WDR36: variants seen among roughly 807,000 people sequenced by gnomAD.
The protein encoded by WDR36 is WD repeat-containing protein 36.
WDR36 carries 63 observed loss-of-function variants against 112.7 expected under a neutral mutation model. The ratio of observed to expected loss-of-function variants is 0.56; its 90% CI spans 0.46 to 0.69. The LOEUF is 0.69. Among genes scored for constraint, WDR36 ranks in the 30% least tolerant of loss-of-function variants. The probability of loss-of-function intolerance (pLI) is 0.00; values close to 1 mark genes in which losing one functional copy is unlikely to be tolerated. For synonymous variants in WDR36, 410 were observed against 362.2 expected (o/e 1.13, Z -1.50); for missense variants, 1,226 against 1,070.3 (o/e 1.15, Z -2.03).
At chr5:111,105,973 C>G (rs112620572) in intron 10 of WDR36, 84 bp from the exon 11 acceptor site, 4 of 1,073,564 alleles carry the variant, frequency 3.7e-6, no homozygotes, top group South Asian at 1.3e-5. Context: ...TTTATAGTTA[C>G]AAGACTGATA....
At chr5:111,106,872 TC>T (rs1753230366) in intron 11 of WDR36, among the ~76,000 whole-genome samples, 2 of 151,390 alleles carry the variant, frequency 1.3e-5, no homozygotes, top group Non-Finnish European at 3.0e-5. Context: ...TCCGTTTTGT[TC>T]ATTTTTTTCT....
intron 11 of WDR36, among the ~76,000 whole-genome samples, chr5:111,106,898 C>A (rs1371956333): frequency 6.6e-6 from 1 of 151,226 alleles, no homozygotes; most frequent in African/African-American, 2.4e-5. Context: ...CATGTTATCC[C>A]CCCCAGGTAA....
chr5:111,127,394 C>G lies in WDR36; in HGVS notation c.*511C>G, dbSNP rs574156242. The stretch of plus-strand genomic sequence containing the variant: ...ATTAAATTGAAAATGTCAGATAAAA[C>G]TGATACATGATGTAGTTATAAAAAT... On this transcript the variant is annotated 3_prime_UTR_variant, in exon 23 of 23. Coordinates refer to ENST00000513710, the MANE Select transcript of WDR36 (RefSeq NM_139281.3). 1 of 200,130 alleles carries G rather than the reference C, an allele frequency of 5.0e-6. No homozygotes were observed. Among genetic ancestry groups the G allele is most frequent in the Non-Finnish European group, 1.0e-5 (1 of 97,004 alleles). The allele number at this position is 200,130 out of a possible 1,614,324, so 12.4% of individuals were successfully genotyped here. A position where few individuals can be genotyped will look rare whatever the true frequency, so the allele number is the denominator to read the frequency against.
At chr5:111,098,622 C>T in intron 3 of WDR36, 100 bp from the exon 4 acceptor site, 1 of 835,638 alleles carries the variant, frequency 1.2e-6, no homozygotes, top group South Asian at 1.4e-5. Context: ...CATTTCTTAA[C>T]AGAAGCATCT....
chr5:111,105,232 G>T, intron 9 of WDR36, 63 bp from the exon 10 acceptor site: 3 of 1,503,000 alleles, frequency 2.0e-6, no homozygotes, highest in Non-Finnish European at 2.8e-6. Flanking sequence ...TATAAAATTT[G>T]TGATTCACAT....
intron 2 of WDR36, among the ~76,000 whole-genome samples, chr5:111,095,917 T>G (rs1752968134): frequency 6.6e-6 from 1 of 152,180 alleles, no homozygotes; most frequent in East Asian, 1.9e-4. Context: ...TGTTTTACCA[T>G]CAAATATGGT....
chr5:111,122,663 C>T lies in WDR36; in HGVS notation c.2149-1142C>T, dbSNP rs1012952996. 2.0e-4 allele frequency among the ~76,000 whole-genome samples: 31 copies of T among 152,254 alleles called. 1 individual carries two copies. The highest frequency in any genetic ancestry group is 7.2e-4 in the Admixed American group (11 of 15,290). ...TACACTACAGTTTGCGGTGCTTTGT[C>T]CTGTGTTCATGTGATCATTTTATTT... On this transcript the variant is annotated intron_variant, in intron 19 of 22. Transcript: ENST00000513710.
Position 111,110,834 on chromosome 5 carries a change from G to C in WDR36, c.1488G>C (p.Gln496His). Residue 496 changes from glutamine (Q) to histidine (H), a missense_variant, in exon 14 of 23, where the codon CAG becomes CAC. Coordinates refer to ENST00000513710, the MANE Select transcript of WDR36 (RefSeq NM_139281.3). Reference protein sequence around the residue: ...VRGVAVDGLNQLTVTTGSEGL... With the variant: ...VRGVAVDGLNHLTVTTGSEGL... ...GTGTCGCAGTGGATGGATTAAACCA[G>C]TTGACAGTTACAACTGGTAGTGAAG... The C allele has an allele frequency of 6.2e-7, 1 of 1,611,530 alleles. No homozygotes were observed. The highest frequency in any genetic ancestry group is 8.5e-7 in the Non-Finnish European group (1 of 1,178,378).
At chr5:111,102,049 A>AT (rs1561702789) in intron 5 of WDR36, among the ~76,000 whole-genome samples, 2 of 151,482 alleles carry the variant, frequency 1.3e-5, no homozygotes, top group South Asian at 2.1e-4. Context: ...GCAGTCCTAA[A>AT]TTTTTTTTAC....
At chr5:111,107,464 A>G in intron 12 of WDR36, 25 bp downstream of exon 12, 1 of 1,607,892 alleles carries the variant, frequency 6.2e-7, no homozygotes, top group Non-Finnish European at 8.5e-7. Context: ...TTATAAGAGT[A>G]TCTTCTCTTT....
rs777738655 is a variant in WDR36, at chr5:111,126,879, T to G, written c.2684T>G (p.Leu895Trp). The G allele has an allele frequency of 3.0e-5, 48 of 1,597,674 alleles. 1 individual carries two copies. The highest frequency in any genetic ancestry group is 1.1e-5 in the South Asian group (1 of 88,000). Residue 895 changes from leucine to tryptophan, a missense_variant, in exon 23 of 23, where the codon TTG becomes TGG. By Grantham distance (61) the Leu-to-Trp change is moderately conservative (BLOSUM62 -2). Transcript: ENST00000513710. ...CILNYLKSALL is the reference protein window; with the variant it reads ...CILNYLKSALW The stretch of plus-strand genomic sequence containing the variant: ...TTAAATTATCTCAAAAGTGCTTTGT[T>G]GTAAAAATAAATTTGTGACTAAACA...
chr5:111,100,205 G>A (rs559266573), intron 4 of WDR36, among the ~76,000 whole-genome samples: 1 of 151,954 alleles, frequency 6.6e-6, no homozygotes, highest in African/African-American at 2.4e-5. Flanking sequence ...CCCTGAAAGA[G>A]CTAAGTATAA....
At chr5:111,112,166 GA>G (rs1220939599) in intron 15 of WDR36, among the ~76,000 whole-genome samples, 1 of 151,948 alleles carries the variant, frequency 6.6e-6, no homozygotes, top group African/African-American at 2.4e-5. Flanking sequence ...TGGCACTTTT[GA>G]AAACATCTGT....
In WDR36 at chr5:111,129,213, T is replaced by G. The variant is rs988894263; in HGVS notation, c.*2330T>G. 11 of 196,878 alleles carry G rather than the reference T, an allele frequency of 5.6e-5. No individual in the cohort carries two copies. Among genetic ancestry groups the G allele is most frequent in the Admixed American group, 4.2e-4 (7 of 16,500 alleles). The allele number at this position is 196,878 out of a possible 1,614,324, so 12.2% of individuals were successfully genotyped here. ...AACAATGCTGAAAGGAACATCATCCTACATGAGCCCTTTTTGTACATATAA... is the reference window on the plus strand; with the variant it reads ...AACAATGCTGAAAGGAACATCATCCGACATGAGCCCTTTTTGTACATATAA... On this transcript the variant is annotated 3_prime_UTR_variant, in exon 23 of 23. Transcript: ENST00000513710.
chr5:111,109,135 A>G (rs544376470), intron 12 of WDR36, among the ~76,000 whole-genome samples: 1 of 151,484 alleles, frequency 6.6e-6, no homozygotes, highest in South Asian at 2.1e-4. Context: ...CCCTAAAAAA[A>G]TGTAAAGCAG....
chr5:111,123,722 G>T, intron 19 of WDR36, 83 bp from the exon 20 acceptor site: 1 of 1,545,926 alleles, frequency 6.5e-7, no homozygotes, highest in Non-Finnish European at 8.8e-7. Context: ...TTTGGTATTT[G>T]TTTTAAAATT....
At chr5:111,114,531 A>C (rs1753417310) in intron 16 of WDR36, among the ~76,000 whole-genome samples, 1 of 152,216 alleles carries the variant, frequency 6.6e-6, no homozygotes, top group Admixed American at 6.5e-5. Flanking sequence ...TAGTAAGCAC[A>C]GCTAACGATT....
intron 13 of WDR36, 125 bp downstream of exon 13, chr5:111,110,428 C>T (rs1160863329): frequency 1.3e-6 from 1 of 792,450 alleles, no homozygotes; most frequent in Non-Finnish European, 2.1e-6. Flanking sequence ...TATAATCAAC[C>T]CTATATGGCA....
At chr5:111,114,124 G>A (rs1344390898) in intron 16 of WDR36, among the ~76,000 whole-genome samples, 1 of 152,182 alleles carries the variant, frequency 6.6e-6, no homozygotes, top group Non-Finnish European at 1.5e-5. Flanking sequence ...TAAAGAGAAA[G>A]TGGTATGAAC....
Sources: gnomAD v4.1 joint callset for allele counts (sites outside exome capture counted in the v4.1 genomes callset) on GRCh38, gnomAD v4.1.1 for gene constraint, MANE v1.5 for transcripts, NCBI Gene and HGNC (gene_info 2026-07-23, HGNC 2026-07-21) for gene names.